The following ERBB4 variants were observed in gnomAD, a reference collection of about 807,000 sequenced individuals.
The protein encoded by ERBB4 is receptor tyrosine-protein kinase erbB-4.
A neutral mutation model predicts 158.0 loss-of-function variants in ERBB4; 42 were observed. The observed-to-expected ratio is 0.27, with a 90% CI of 0.21 to 0.34. The LOEUF is 0.34. Ranked by LOEUF, ERBB4 falls within the 10% of genes least tolerant of loss-of-function variation. The pLI is 1.00. For missense variants in ERBB4, 1,333 were observed against 1,624.1 expected, an observed-to-expected ratio of 0.82 and a Z score of 3.08; for synonymous variants, 583 against 558.7, an observed-to-expected ratio of 1.04 and a Z score of -0.61.
chr2:211,558,363 T>TGCCCTGATCCTTCTGCCTCCC (rs1350723232), intron 20 of ERBB4, among the ~76,000 whole-genome samples: 2 of 152,178 alleles, frequency 1.3e-5, no homozygotes, highest in Non-Finnish European at 2.9e-5. Flanking sequence ...TTCTGTCTCC[T>TGCCCTGATCCTTCTGCCTCCC]GCTCTGATCC....
chr2:211,751,514 A>G (rs2075128857), intron 4 of ERBB4, among the ~76,000 whole-genome samples: 1 of 152,202 alleles, frequency 6.6e-6, no homozygotes, highest in Non-Finnish European at 1.5e-5. Flanking sequence ...GATGTTAAAA[A>G]TCTATTAAAG....
intron 1 of ERBB4, among the ~76,000 whole-genome samples, chr2:212,453,249 A>G (rs1369254796): frequency 6.6e-6 from 1 of 152,198 alleles, no homozygotes; most frequent in Non-Finnish European, 1.5e-5. Flanking sequence ...TATAGACTCT[A>G]ACCCTTGCAA....
At chr2:211,680,359 T>C (rs1332114977) in intron 12 of ERBB4, among the ~76,000 whole-genome samples, 1 of 152,196 alleles carries the variant, frequency 6.6e-6, no homozygotes, top group African/African-American at 2.4e-5. Context: ...TTATCCTGAG[T>C]GTCTGAAAGT....
intron 2 of ERBB4, among the ~76,000 whole-genome samples, chr2:211,974,607 T>G (rs1239315764): frequency 6.6e-6 from 1 of 152,122 alleles, no homozygotes; most frequent in African/African-American, 2.4e-5. Flanking sequence ...AAATCTTTAT[T>G]GGCCAGGAGC....
chr2:211,691,294 AG>A (rs959735481), intron 12 of ERBB4, among the ~76,000 whole-genome samples: 4 of 152,168 alleles, frequency 2.6e-5, no homozygotes, highest in African/African-American at 9.6e-5. Flanking sequence ...ATTGTGATGA[AG>A]ATTAGACATA....
intron 3 of ERBB4, among the ~76,000 whole-genome samples, chr2:211,845,778 A>T (rs1018610323): frequency 6.6e-6 from 1 of 152,112 alleles, no homozygotes; most frequent in Non-Finnish European, 1.5e-5. Context: ...ATCTATTACA[A>T]CTTGTTCAAT....
rs749222561 is a variant in ERBB4 at position 211,383,681 on chromosome 2, C to A, written c.3861G>T (p.Glu1287Asp). The A allele has an allele frequency of 9.0e-5, 146 of 1,614,044 alleles. No individual in the cohort carries two copies. In the Middle Eastern group the frequency reaches 1.0e-3, roughly 11 times the overall value. The change falls in exon 28 of 28, where the codon GAG (glutamate) becomes GAT (aspartate). Residue 1287 changes from glutamate to aspartate, a missense_variant. Physicochemically the swap from Glu to Asp is conservative, Grantham distance 45 (BLOSUM62 2). Around this residue, in one of 5 missense-constraint regions of ERBB4, gnomAD observed 84 missense variants for 110.8 expected, o/e 0.76. Coordinates refer to ENST00000342788, the MANE Select transcript of ERBB4 (RefSeq NM_005235.3). ...IVAENPEYLS[E>D]FSLKPGTVLP... Reference sequence around the variant, plus strand: ...GCACAGTGCCTGGCTTCAGGGAGAACTCAGAGAGGTATTCAGGATTCTCTG... The same window carrying A: ...GCACAGTGCCTGGCTTCAGGGAGAAATCAGAGAGGTATTCAGGATTCTCTG...
intron 20 of ERBB4, among the ~76,000 whole-genome samples, chr2:211,536,853 A>G (rs926407764): frequency 2.0e-5 from 3 of 151,952 alleles, no homozygotes; most frequent in African/African-American, 7.2e-5. Context: ...TCACATTGCA[A>G]CATAACGTCC....
intron 12 of ERBB4, among the ~76,000 whole-genome samples, chr2:211,684,579 G>T (rs2072488675): frequency 6.6e-6 from 1 of 152,190 alleles, no homozygotes; most frequent in Admixed American, 6.5e-5. Context: ...GTTTGCTTTT[G>T]TCTCAGAGTC....
intron 19 of ERBB4, among the ~76,000 whole-genome samples, chr2:211,614,073 G>A (rs557555988): frequency 2.0e-5 from 3 of 152,054 alleles, no homozygotes; most frequent in African/African-American, 7.2e-5. Flanking sequence ...ATACACAGTG[G>A]AGCACTATTC....
intron 2 of ERBB4, among the ~76,000 whole-genome samples, chr2:211,957,148 C>A (rs971093799): frequency 6.6e-6 from 1 of 151,968 alleles, no homozygotes; most frequent in Non-Finnish European, 1.5e-5. Flanking sequence ...ATAATGTATA[C>A]GCTGAAGTCC....
At chr2:212,002,051 T>G (rs1314590102) in intron 2 of ERBB4, among the ~76,000 whole-genome samples, 1 of 152,192 alleles carries the variant, frequency 6.6e-6, no homozygotes, top group Admixed American at 6.5e-5. Context: ...GAACAGATGC[T>G]GGTAAAATGA....
chr2:211,980,518 CTGTT>C lies in ERBB4; in HGVS notation c.235-32906_235-32903del, dbSNP rs774731537. On this transcript the variant is annotated intron_variant, in intron 2 of 27. Transcript: ENST00000342788. ...TGGGAGATAATTTCTGTTCTAAAGG[CTGTT>C]TGTTTGTTTTAAATAATGTAAGTAC... is the stretch of plus-strand genomic sequence containing the variant. Among the ~76,000 whole-genome samples, 452 of 152,110 alleles carry C rather than the reference CTGTT, an allele frequency of 3.0e-3. 4 individuals are homozygous for C. Among genetic ancestry groups the C allele is most frequent in the Non-Finnish European group, 4.9e-3 (333 of 67,982 alleles).
chr2:211,572,787 A>G (rs928784433), intron 19 of ERBB4, among the ~76,000 whole-genome samples: 5 of 152,180 alleles, frequency 3.3e-5, no homozygotes, highest in African/African-American at 1.2e-4. Flanking sequence ...TGTGTTTCCT[A>G]CTGGGATCCT....
chr2:211,875,799 A>G (rs1219505523), intron 3 of ERBB4, among the ~76,000 whole-genome samples: 2 of 152,146 alleles, frequency 1.3e-5, no homozygotes, highest in Non-Finnish European at 2.9e-5. Flanking sequence ...TTAATATTTT[A>G]TACCATATTT....
chr2:212,076,766 C>T (rs552521260), intron 2 of ERBB4, among the ~76,000 whole-genome samples: 2 of 151,578 alleles, frequency 1.3e-5, no homozygotes, highest in South Asian at 2.1e-4. Context: ...GAATGGCTTA[C>T]GGGAAAAGAG....
intron 1 of ERBB4, among the ~76,000 whole-genome samples, chr2:212,295,003 T>C (rs1247401979): frequency 1.3e-5 from 2 of 152,042 alleles, no homozygotes; most frequent in African/African-American, 2.4e-5. Context: ...CTGTATGGTC[T>C]TGTGATGAGG....
intron 1 of ERBB4, among the ~76,000 whole-genome samples, chr2:212,495,686 ATAG>A (rs1235016623): frequency 2.0e-5 from 3 of 152,218 alleles, no homozygotes. Context: ...GCACATAATT[ATAG>A]CCTTCAGGAA....
chr2:212,428,945 TCAGATTCCCAGC>T (rs1394648923), intron 1 of ERBB4, among the ~76,000 whole-genome samples: 2 of 152,132 alleles, frequency 1.3e-5, no homozygotes, highest in Admixed American at 6.6e-5. Flanking sequence ...AGTGTATCAG[TCAGATTCCCAGC>T]AACTACTTTA....
Sources: gnomAD v4.1 joint callset for allele counts (sites outside exome capture counted in the v4.1 genomes callset) on GRCh38, gnomAD v4.1.1 for gene constraint, gnomAD v4.1.1 regional missense constraint, MANE v1.5 for transcripts, NCBI Gene and HGNC (gene_info 2026-07-23, HGNC 2026-07-21) for gene names.